Variants in MSRB3 observed in about 807,000 individuals in gnomAD.
MSRB3 encodes methionine-R-sulfoxide reductase B3.
Under a neutral mutation model 21.0 loss-of-function variants are expected in MSRB3, and 13 were observed. The ratio of observed to expected loss-of-function variants is 0.62; its 90% confidence interval spans 0.40 to 0.98. MSRB3 has a LOEUF of 0.98. Ranked by LOEUF, MSRB3 falls within the 50% of genes least tolerant of loss-of-function variation. The pLI is 0.00. For synonymous variants in MSRB3, 87 were observed against 88.6 expected (o/e 0.98, Z 0.10); for missense variants, 199 against 230.3 (o/e 0.86, Z 0.88).
At chr12:65,306,157 C>G (rs979346827) in intron 1 of MSRB3, among the ~76,000 whole-genome samples, 3 of 152,096 alleles carry the variant, frequency 2.0e-5, no homozygotes, top group African/African-American at 7.2e-5. Context: ...ATTGTGATAT[C>G]CCATCTTTCA....
intron 5 of MSRB3, among the ~76,000 whole-genome samples, chr12:65,422,029 G>C (rs1398381229): frequency 6.6e-6 from 1 of 152,092 alleles, no homozygotes; most frequent in Admixed American, 6.6e-5. Context: ...TAAAGGGATG[G>C]AGGAAAACCT....
intron 5 of MSRB3, among the ~76,000 whole-genome samples, chr12:65,449,055 G>T (rs760556164): frequency 4.6e-5 from 7 of 152,126 alleles, no homozygotes; most frequent in Non-Finnish European, 8.8e-5. Context: ...TTGAGACGGA[G>T]TCTTGCTCTG....
At chr12:65,463,040 A>G (rs1883400477) in intron 6 of MSRB3, 115 bp from the exon 7 acceptor site, 3 of 1,287,244 alleles carry the variant, frequency 2.3e-6, no homozygotes, top group Non-Finnish European at 3.4e-6. Flanking sequence ...ATCATCCACG[A>G]TGGTTTCCTT....
At chr12:65,287,936 G>A (rs927728843) in intron 1 of MSRB3, among the ~76,000 whole-genome samples, 2 of 152,092 alleles carry the variant, frequency 1.3e-5, no homozygotes, top group African/African-American at 4.8e-5. Flanking sequence ...TGCCTGAGTC[G>A]TTTAAGCTTC....
In MSRB3 at chr12:65,308,591, C is replaced by T; in HGVS notation, c.12C>T (p.Phe4=). Residue 4 remains phenylalanine, a synonymous_variant, in exon 2 of 7, where the codon TTC becomes TTT. Coordinates refer to ENST00000308259, the MANE Select transcript of MSRB3 (RefSeq NM_001031679.3). MSA[F]NLLHLVTKSQ... ...AAGATATCACAGTGATGTCTGCATT[C>T]AACCTGCTGCATTTGGTGACAAAGA... 1 of 1,613,948 alleles carries T rather than the reference C, an allele frequency of 6.2e-7. No homozygotes were observed. Among genetic ancestry groups the T allele is most frequent in the South Asian group, 1.1e-5 (1 of 91,080 alleles).
At chr12:65,351,761 A>G (rs547458198) in intron 4 of MSRB3, among the ~76,000 whole-genome samples, 1 of 151,768 alleles carries the variant, frequency 6.6e-6, no homozygotes, top group Admixed American at 6.5e-5. Context: ...AGACTAAACC[A>G]GGAAGAAGTT....
At position 65,463,402 on chromosome 12, in the gene MSRB3, T is replaced by C. The variant is rs1169780290; in HGVS notation, c.*80T>C. ...ATCAAAATTGTTATCTTAATAGATA[T>C]ATTTTTTCAAAAACTATAAGGGCAG... On this transcript the variant is annotated 3_prime_UTR_variant, in exon 7 of 7. Coordinates refer to ENST00000308259, the MANE Select transcript of MSRB3 (RefSeq NM_001031679.3). The C allele has an allele frequency of 6.6e-6, 10 of 1,516,948 alleles. No individual in the cohort carries two copies. The African/African-American group carries it at 8.4e-5, about 13-fold the overall frequency. 94.0% of individuals were successfully genotyped at this position (1,516,948 alleles called of 1,614,324 possible).
intron 2 of MSRB3, chr12:65,316,100 A>C (rs1388501977): frequency 2.6e-5 from 4 of 152,210 alleles, no homozygotes; most frequent in African/African-American, 9.7e-5. Context: ...GAGATTAGAC[A>C]CTGATCTGTA....
At chr12:65,369,113 G>T in intron 5 of MSRB3, 87 bp downstream of exon 5, 1 of 1,031,362 alleles carries the variant, frequency 9.7e-7, no homozygotes, top group South Asian at 1.3e-5. Flanking sequence ...GAACCATTTT[G>T]ATTTTAAACA....
At chr12:65,347,397 G>A (rs967217023) in intron 4 of MSRB3, among the ~76,000 whole-genome samples, 4 of 152,060 alleles carry the variant, frequency 2.6e-5, no homozygotes, top group Non-Finnish European at 4.4e-5. Flanking sequence ...GTCTGTTATT[G>A]GTGTATTAGA....
chr12:65,407,235 GA>G (rs1880463723), intron 5 of MSRB3, among the ~76,000 whole-genome samples: 1 of 151,218 alleles, frequency 6.6e-6, no homozygotes, highest in Admixed American at 6.6e-5. Flanking sequence ...AAATGGTTTT[GA>G]AAAACCGCAA....
At chr12:65,327,010 C>A (rs1875091297) in intron 3 of MSRB3, 76 bp downstream of exon 3, 1 of 1,064,216 alleles carries the variant, frequency 9.4e-7, no homozygotes, top group Non-Finnish European at 1.4e-6. Context: ...CTTTTCCTTG[C>A]CAATTAATTT....
At chr12:65,397,298 T>C (rs567502567) in intron 5 of MSRB3, among the ~76,000 whole-genome samples, 2 of 152,304 alleles carry the variant, frequency 1.3e-5, no homozygotes, top group Admixed American at 1.3e-4. Context: ...ATTTGGGTCT[T>C]GTTTTTTGAA....
At chr12:65,455,910 G>GT (rs1883069131) in intron 6 of MSRB3, among the ~76,000 whole-genome samples, 1 of 151,974 alleles carries the variant, frequency 6.6e-6, no homozygotes, top group Non-Finnish European at 1.5e-5. Flanking sequence ...ATAATTTTTT[G>GT]TATTTTTGGT....
chr12:65,342,839 A>T (rs1214028575), intron 4 of MSRB3, among the ~76,000 whole-genome samples: 1 of 152,068 alleles, frequency 6.6e-6, no homozygotes, highest in African/African-American at 2.4e-5. Flanking sequence ...TATAAGTCTA[A>T]AAGAGTATTA....
chr12:65,318,665 CT>C (rs1244545407), intron 2 of MSRB3, among the ~76,000 whole-genome samples: 1 of 152,116 alleles, frequency 6.6e-6, no homozygotes, highest in Non-Finnish European at 1.5e-5. Context: ...ATGGCAGTGC[CT>C]TTAAAAATTC....
intron 5 of MSRB3, among the ~76,000 whole-genome samples, chr12:65,424,338 C>A (rs1344918975): frequency 8.6e-5 from 13 of 150,494 alleles, no homozygotes; most frequent in Admixed American, 7.3e-4. Flanking sequence ...TTATTATTTT[C>A]TTCTTCCTGC....
chr12:65,448,836 G>T (rs938636206), intron 5 of MSRB3, among the ~76,000 whole-genome samples: 4 of 152,106 alleles, frequency 2.6e-5, no homozygotes, highest in African/African-American at 7.2e-5. Context: ...GTTTCCTGTG[G>T]GTATGGAAGA....
rs1293430077 is a variant in MSRB3 at position 65,310,726 on chromosome 12, T to C, written c.76+2071T>C. 2.6e-5 allele frequency among the ~76,000 whole-genome samples: 4 copies of C among 152,362 alleles called. No homozygotes were observed. The East Asian group carries it at 5.8e-4, about 22-fold the overall frequency. On this transcript the variant is annotated intron_variant, in intron 2 of 6. Transcript: ENST00000308259. Reference sequence around the variant, plus strand: ...ATATCTTTAAATTTTGATAAAATGATTCAAAGATAAATTCAGCAAAGCTGA... The same window carrying C: ...ATATCTTTAAATTTTGATAAAATGACTCAAAGATAAATTCAGCAAAGCTGA...
Sources: gnomAD v4.1 joint callset for allele counts (sites outside exome capture counted in the v4.1 genomes callset) on GRCh38, gnomAD v4.1.1 for gene constraint, MANE v1.5 for transcripts, NCBI Gene and HGNC (gene_info 2026-07-23, HGNC 2026-07-21) for gene names.